DAB1: variants seen among roughly 807,000 people sequenced by gnomAD.
DAB1 encodes the protein DAB adaptor protein 1.
Under a neutral mutation model 64.6 loss-of-function variants are expected in DAB1, and 15 were observed. The observed-to-expected ratio is 0.23, with a 90% CI of 0.16 to 0.36. The LOEUF (loss-of-function observed/expected upper bound fraction) is 0.36. Among genes scored for constraint, DAB1 ranks in the 10% least tolerant of loss-of-function variants. The probability of loss-of-function intolerance (pLI) is 1.00; values close to 1 mark genes in which losing one functional copy is unlikely to be tolerated. For synonymous variants in DAB1, 235 were observed against 251.9 expected (o/e 0.93, Z 0.64); for missense variants, 596 against 706.7 (o/e 0.84, Z 1.78).
upstream of DAB1, among the ~76,000 whole-genome samples, chr1:57,884,620 T>A (rs1025077692): frequency 2.0e-5 from 3 of 152,236 alleles, no homozygotes; most frequent in Non-Finnish European, 2.9e-5. Context: ...ATTCACAAAG[T>A]TTGTACAATT....
chr1:57,821,255 G>A (rs973475117), downstream of DAB1, among the ~76,000 whole-genome samples: 1 of 152,046 alleles, frequency 6.6e-6, no homozygotes, highest in Admixed American at 6.6e-5. Context: ...CAGCCAGCAC[G>A]TATGGCTGAT....
intron 4 of DAB1, among the ~76,000 whole-genome samples, chr1:57,123,678 A>G (rs1213336522): frequency 1.3e-5 from 2 of 152,174 alleles, no homozygotes; most frequent in South Asian, 2.1e-4. Context: ...ATGGCTAACA[A>G]TATGGTTTTT....
At chr1:58,345,411 A>G (rs576256620) in intron 3 of DAB1, among the ~76,000 whole-genome samples, 6 of 152,218 alleles carry the variant, frequency 3.9e-5, no homozygotes, top group Non-Finnish European at 8.8e-5. Flanking sequence ...GCTACATCAA[A>G]GTGGAAACAT....
chr1:57,734,378 A>G (rs781637920), intron 6 of DAB1, among the ~76,000 whole-genome samples: 2 of 152,198 alleles, frequency 1.3e-5, no homozygotes, highest in Non-Finnish European at 2.9e-5. Flanking sequence ...CTTTACCAAT[A>G]AGCCACAAAT....
intron 5 of DAB1, among the ~76,000 whole-genome samples, chr1:58,118,670 A>G (rs1652545064): frequency 6.8e-6 from 1 of 147,138 alleles, no homozygotes; most frequent in Non-Finnish European, 1.5e-5. Flanking sequence ...ATGAGTGTAC[A>G]TATATATACA....
intron 1 of DAB1, among the ~76,000 whole-genome samples, chr1:57,369,513 T>C (rs1680325094): frequency 6.6e-6 from 1 of 152,180 alleles, no homozygotes; most frequent in African/African-American, 2.4e-5. Flanking sequence ...GATACACACA[T>C]ATATATCCAT....
chr1:57,354,137 G>C (rs942927261), intron 1 of DAB1, among the ~76,000 whole-genome samples: 1 of 151,960 alleles, frequency 6.6e-6, no homozygotes. Context: ...TCTGAAAATC[G>C]CTTCTATCAA....
At chr1:57,621,187 A>C (rs760166348) in intron 7 of DAB1, among the ~76,000 whole-genome samples, 89 of 144,654 alleles carry the variant, frequency 6.2e-4, no homozygotes, top group Middle Eastern at 3.5e-3. Context: ...GTGTGTGTGT[A>C]TGTGTGTGTG....
At chr1:57,994,744 G>A (rs1226703325) in intron 5 of DAB1, among the ~76,000 whole-genome samples, 2 of 152,332 alleles carry the variant, frequency 1.3e-5, no homozygotes, top group East Asian at 1.9e-4. Flanking sequence ...CTGGTTTGAT[G>A]AGAATAGATG....
At chr1:58,309,829 G>T (rs761458351) in intron 4 of DAB1, among the ~76,000 whole-genome samples, 9 of 152,102 alleles carry the variant, frequency 5.9e-5, no homozygotes, top group Admixed American at 3.3e-4. Context: ...ACCTGGAACT[G>T]CTCAGAGAGG....
intron 3 of DAB1, among the ~76,000 whole-genome samples, chr1:58,465,452 A>G (rs947915094): frequency 5.9e-5 from 9 of 152,214 alleles, no homozygotes; most frequent in Admixed American, 2.0e-4. Context: ...TGACAACAAC[A>G]ACGACGACAA....
intron 7 of DAB1, among the ~76,000 whole-genome samples, chr1:57,536,120 T>C (rs1644724555): frequency 6.6e-6 from 1 of 152,174 alleles, no homozygotes; most frequent in Non-Finnish European, 1.5e-5. Flanking sequence ...AGCTCCACAG[T>C]AGATTGTGGT....
chr1:57,242,991 T>C (rs1668602701), intron 2 of DAB1, among the ~76,000 whole-genome samples: 1 of 152,160 alleles, frequency 6.6e-6, no homozygotes, highest in African/African-American at 2.4e-5. Flanking sequence ...TTTGCATACT[T>C]AGTAGATACT....
intron 5 of DAB1, among the ~76,000 whole-genome samples, chr1:57,889,900 G>GGGC (rs1644283411): frequency 1.7e-5 from 1 of 60,538 alleles, no homozygotes; most frequent in African/African-American, 6.3e-5. Flanking sequence ...AAACTGGGGC[G>GGGC]GGGGGGGGGG....
At chr1:57,625,094 T>C (rs1490800370) in intron 7 of DAB1, among the ~76,000 whole-genome samples, 2 of 152,202 alleles carry the variant, frequency 1.3e-5, no homozygotes, top group Non-Finnish European at 2.9e-5. Flanking sequence ...ATTTTCACCT[T>C]GAGAAGGCGA....
chr1:57,809,014 C>T (rs922909353), intron 6 of DAB1, among the ~76,000 whole-genome samples: 1 of 152,168 alleles, frequency 6.6e-6, no homozygotes, highest in Admixed American at 6.5e-5. Flanking sequence ...AATAGAATCA[C>T]AGAAGCTCCT....
chr1:58,033,796 G>A (rs1647004743), intron 5 of DAB1, among the ~76,000 whole-genome samples: 1 of 152,120 alleles, frequency 6.6e-6, no homozygotes, highest in East Asian at 1.9e-4. Context: ...ACAAGGCATT[G>A]TTCCTCTACA....
intron 7 of DAB1, among the ~76,000 whole-genome samples, chr1:57,591,214 G>A (rs1044799338): frequency 6.6e-6 from 1 of 152,186 alleles, no homozygotes; most frequent in Non-Finnish European, 1.5e-5. Context: ...CTTATTGGCT[G>A]TGTGACCTTG....
chr1:57,331,220 C>T (rs537318938), intron 1 of DAB1, among the ~76,000 whole-genome samples: 4 of 152,310 alleles, frequency 2.6e-5, no homozygotes, highest in African/African-American at 9.6e-5. Flanking sequence ...AACAATTTAA[C>T]TGTAAGAACA....
Sources: gnomAD v4.1 joint callset for allele counts (sites outside exome capture counted in the v4.1 genomes callset) on GRCh38, gnomAD v4.1.1 for gene constraint, MANE v1.5 for transcripts, NCBI Gene and HGNC (gene_info 2026-07-23, HGNC 2026-07-21) for gene names.